Variants in SNX14 observed in about 807,000 individuals in gnomAD.
SNX14 encodes sorting nexin-14.
In SNX14, 93 loss-of-function variants were observed where a neutral mutation model predicts 133.8. That is an observed-to-expected ratio of 0.70 (90% CI 0.59 to 0.83). The LOEUF (loss-of-function observed/expected upper bound fraction) is 0.83, where lower values mean the gene tolerates loss of function less well. Ranked by LOEUF, SNX14 falls within the 40% of genes least tolerant of loss-of-function variation. The pLI is 0.00. For synonymous variants in SNX14, 368 were observed against 365.6 expected, an observed-to-expected ratio of 1.01 and a Z score of -0.07; for missense variants, 945 against 1,094.9, an observed-to-expected ratio of 0.86 and a Z score of 1.93.
intron 4 of SNX14, 92 bp downstream of exon 4, chr6:85,572,042 ATGC>A: frequency 2.0e-6 from 2 of 989,302 alleles, no homozygotes; most frequent in Non-Finnish European, 3.0e-6. Flanking sequence ...ATGTATTAAG[ATGC>A]TCCATGATTA....
chr6:85,544,078 A>G (rs1236609310), intron 12 of SNX14, among the ~76,000 whole-genome samples: 1 of 152,154 alleles, frequency 6.6e-6, no homozygotes, highest in African/African-American at 2.4e-5. Flanking sequence ...AAAGTCTTTT[A>G]TTATTTTGAG....
chr6:85,515,243 G>A (rs537675908), intron 23 of SNX14, among the ~76,000 whole-genome samples: 30 of 141,590 alleles, frequency 2.1e-4, no homozygotes, highest in African/African-American at 8.2e-4. Flanking sequence ...CTCCAGCCTG[G>A]GTGACAGAGC....
In SNX14 at chr6:85,572,373, T is replaced by A. The variant is rs1186915592; in HGVS notation, c.263A>T (p.Gln88Leu). The part of the protein sequence containing the change: ...IFFTIKYKPK[Q>L]LGLQELFPQG... ...AGGAAATAATTCCTGAAGTCCTAAC[T>A]GCTAAAAAAGGAAAATGAGAGGTGG... The change falls in exon 3 of 29, where the codon CAG (glutamine) becomes CTG (leucine). Residue 88 changes from glutamine to leucine, a missense_variant and splice_region_variant. Gln to Leu is a moderately radical substitution (Grantham distance 113). Transcript: ENST00000314673. 1 of 1,609,806 alleles carries A rather than the reference T, an allele frequency of 6.2e-7. No individual in the cohort carries two copies. Among genetic ancestry groups the A allele is most frequent in the Non-Finnish European group, 8.5e-7 (1 of 1,178,628 alleles).
At chr6:85,510,729 T>C (rs1772494133) in intron 26 of SNX14, among the ~76,000 whole-genome samples, 2 of 152,248 alleles carry the variant, frequency 1.3e-5, no homozygotes, top group Admixed American at 1.3e-4. Flanking sequence ...TGTTATCCTC[T>C]AAGTTTTACA....
intron 1 of SNX14, among the ~76,000 whole-genome samples, chr6:85,576,633 G>A (rs1283270513): frequency 6.6e-6 from 1 of 152,226 alleles, no homozygotes; most frequent in Non-Finnish European, 1.5e-5. Context: ...AAGGAAAGCG[G>A]AGTGAGAAGA....
chr6:85,532,168 T>C (rs1056675259), intron 18 of SNX14, among the ~76,000 whole-genome samples: 4 of 152,198 alleles, frequency 2.6e-5, no homozygotes, highest in Non-Finnish European at 4.4e-5. Context: ...AAATTAAAAA[T>C]AGTTGTCTTA....
intron 1 of SNX14, among the ~76,000 whole-genome samples, chr6:85,592,867 G>C (rs1397529108): frequency 6.6e-6 from 1 of 151,636 alleles, no homozygotes; most frequent in African/African-American, 2.4e-5. Flanking sequence ...GCGTGGTAGC[G>C]TGGTGGCGTG....
At chr6:85,561,419 C>T (rs561240181) in intron 6 of SNX14, 10 of 151,820 alleles carry the variant, frequency 6.6e-5, no homozygotes, top group Admixed American at 4.6e-4. Context: ...TATTAGCTAA[C>T]CGTAATATGG....
At chr6:85,589,135 G>A (rs1801984716) in intron 1 of SNX14, 1 of 221,046 alleles carries the variant, frequency 4.5e-6, no homozygotes, top group Admixed American at 5.1e-5. Flanking sequence ...TATCAAAGAA[G>A]GGTCCATGTG....
intron 4 of SNX14, among the ~76,000 whole-genome samples, chr6:85,569,187 C>T (rs1794832644): frequency 6.6e-6 from 1 of 152,154 alleles, no homozygotes; most frequent in Non-Finnish European, 1.5e-5. Flanking sequence ...GTCTCGAACT[C>T]CCGACCTTAG....
In SNX14 at chr6:85,565,111, T is replaced by TAACA. The variant is rs10654380; in HGVS notation, c.549+220_549+221insTGTT. On this transcript the variant is annotated intron_variant, in intron 6 of 28. Transcript: ENST00000314673. ...ATTTAATTGTACATTTAAAAGTAAC[T>TAACA]GAGTATATTTGGATTGTTTGTAACA... 0.62 allele frequency among the ~76,000 whole-genome samples: 93,178 copies of TAACA among 151,494 alleles called. 28,949 individuals are homozygous for TAACA. Among genetic ancestry groups the TAACA allele is most frequent in the Admixed American group, 0.69 (10,419 of 15,204 alleles).
At chr6:85,512,570 A>C (rs573586415) in intron 26 of SNX14, among the ~76,000 whole-genome samples, 2 of 150,940 alleles carry the variant, frequency 1.3e-5, no homozygotes, top group South Asian at 4.2e-4. Context: ...TGCAGTGAGC[A>C]GAGATCGTGT....
intron 21 of SNX14, 96 bp from the exon 22 acceptor site, chr6:85,518,144 G>T: frequency 1.0e-6 from 1 of 1,003,582 alleles, no homozygotes; most frequent in Non-Finnish European, 1.5e-6. Flanking sequence ...ATACGAAATA[G>T]CCAAGTTAAA....
rs1794269749 is a variant in SNX14, at chr6:85,567,536, G to A, written c.459C>T (p.Tyr153=). Reference sequence around the variant, plus strand: ...AAGATCTTATAGAAAGAACATACCTGTACCACGGATAAACAAAGTTTTCCA... The same window carrying A: ...AAGATCTTATAGAAAGAACATACCTATACCACGGATAAACAAAGTTTTCCA... The part of the protein sequence containing the change: ...LVLENFVYPW[Y]RDVTDDESFV... The change falls in exon 5 of 29, where the codon TAC becomes TAT. Residue 153 remains tyrosine (Y), a splice_region_variant and synonymous_variant. Transcript: ENST00000314673. The A allele has an allele frequency of 1.3e-6, 2 of 1,502,498 alleles. No homozygotes were observed. Among genetic ancestry groups the A allele is most frequent in the Non-Finnish European group, 8.8e-7 (1 of 1,133,590 alleles). The allele number at this position is 1,502,498 out of a possible 1,614,324, so 93.1% of individuals were successfully genotyped here.
intron 4 of SNX14, chr6:85,568,395 A>G (rs1794562777): frequency 2.0e-5 from 3 of 152,242 alleles, no homozygotes; most frequent in African/African-American, 7.2e-5. Context: ...AGAGGAACAT[A>G]AAGGGGAGTT....
At chr6:85,531,591 C>G (rs1306365330) in intron 18 of SNX14, among the ~76,000 whole-genome samples, 5 of 152,140 alleles carry the variant, frequency 3.3e-5, no homozygotes, top group African/African-American at 1.2e-4. Flanking sequence ...GTTTTTAATG[C>G]TGAAATTGTT....
Position 85,542,059 on chromosome 6 carries a change from T to C in SNX14, c.1390-16A>G, listed in dbSNP as rs1455207237. On this transcript the variant is annotated splice_polypyrimidine_tract_variant and intron_variant, in intron 14 of 28. Coordinates refer to ENST00000314673, the MANE Select transcript of SNX14 (RefSeq NM_153816.6). ...GTCTGAAATACTTTAAAATAACAAATAATAATTATCATTTATTACACTTAC... is the reference window on the plus strand; with the variant it reads ...GTCTGAAATACTTTAAAATAACAAACAATAATTATCATTTATTACACTTAC... 1.3e-6 allele frequency: 2 copies of C among 1,505,426 alleles called. No individual in the cohort carries two copies. The highest frequency in any genetic ancestry group is 2.8e-5 in the African/African-American group (2 of 70,704). 93.3% of individuals were successfully genotyped at this position (1,505,426 alleles called of 1,614,324 possible). A position where few individuals can be genotyped will look rare whatever the true frequency, so the allele number is the denominator to read the frequency against.
At chr6:85,556,117 G>A (rs1160806889) in intron 7 of SNX14, among the ~76,000 whole-genome samples, 2 of 152,164 alleles carry the variant, frequency 1.3e-5, no homozygotes, top group East Asian at 3.8e-4. Flanking sequence ...AGGAAAAGGT[G>A]AGAGTACATG....
intron 6 of SNX14, among the ~76,000 whole-genome samples, chr6:85,565,019 T>G (rs1263198527): frequency 6.6e-6 from 1 of 151,982 alleles, no homozygotes; most frequent in Non-Finnish European, 1.5e-5. Context: ...TCAAATAATC[T>G]TCTAAAAGAT....
Sources: allele counts gnomAD v4.1 joint callset (sites outside exome capture counted in the v4.1 genomes callset), GRCh38; gene constraint gnomAD v4.1.1; transcripts MANE v1.5; gene names NCBI Gene and HGNC (gene_info 2026-07-23, HGNC 2026-07-21).